The following NRG3 variants were observed in gnomAD, a reference collection of about 807,000 sequenced individuals.
The protein encoded by NRG3 is pro-neuregulin-3, membrane-bound isoform.
A neutral mutation model predicts 66.9 loss-of-function variants in NRG3; 31 were observed. The observed-to-expected ratio is 0.46, with a 90% CI of 0.35 to 0.63. The LOEUF is 0.63. Among genes scored for constraint, NRG3 ranks in the 20% least tolerant of loss-of-function variants. NRG3 has a pLI of 0.00. For synonymous variants in NRG3, 393 were observed against 359.4 expected, an observed-to-expected ratio of 1.09 and a Z score of -1.06; for missense variants, 910 against 878.9, an observed-to-expected ratio of 1.04 and a Z score of -0.45.
rs149943029 is a variant in NRG3 at position 82,507,303 on chromosome 10, G to T, written c.953+148435G>T. ...AGGGAGTTGGTACAATGTGGGCATG[G>T]GTTGATTTCTAGCAGTACAATAAAG... On this transcript the variant is annotated intron_variant, in intron 2 of 8. Transcript: ENST00000372141. Among the ~76,000 whole-genome samples the T allele has an allele frequency of 1.6e-3, 246 of 152,246 alleles. 1 individual carries two copies. The highest frequency in any genetic ancestry group is 5.7e-3 in the African/African-American group (237 of 41,542).
At chr10:82,216,292 G>A (rs1410454443) in intron 1 of NRG3, among the ~76,000 whole-genome samples, 1 of 151,068 alleles carries the variant, frequency 6.6e-6, no homozygotes. Context: ...TTTTTTTTAT[G>A]TTTTCTACAC....
intron 2 of NRG3, among the ~76,000 whole-genome samples, chr10:82,735,174 C>T (rs1259899771): frequency 6.6e-6 from 1 of 152,108 alleles, no homozygotes; most frequent in African/African-American, 2.4e-5. Flanking sequence ...TGTCTCGGCT[C>T]TTGTGAACTG....
At chr10:82,557,433 C>CT (rs1052710590) in intron 2 of NRG3, among the ~76,000 whole-genome samples, 3 of 151,836 alleles carry the variant, frequency 2.0e-5, no homozygotes, top group Admixed American at 6.6e-5. Context: ...GCATGTATGT[C>CT]TTTTTTTGAG....
chr10:82,582,247 A>T (rs1232078895), intron 2 of NRG3, among the ~76,000 whole-genome samples: 1 of 152,142 alleles, frequency 6.6e-6, no homozygotes, highest in Admixed American at 6.6e-5. Context: ...GAGCTTCATT[A>T]TTCAAATTCC....
intron 1 of NRG3, among the ~76,000 whole-genome samples, chr10:82,352,436 T>C (rs1174268145): frequency 1.3e-5 from 2 of 152,114 alleles, no homozygotes; most frequent in Non-Finnish European, 2.9e-5. Flanking sequence ...GTAGCAGTCA[T>C]AGCTATGATT....
chr10:82,190,657 G>T (rs1333942537), intron 1 of NRG3, among the ~76,000 whole-genome samples: 1 of 152,130 alleles, frequency 6.6e-6, no homozygotes, highest in Non-Finnish European at 1.5e-5. Flanking sequence ...AAACAAATTG[G>T]TTTACTCCTC....
chr10:82,962,444 T>C (rs558233587), intron 6 of NRG3, among the ~76,000 whole-genome samples: 7 of 152,324 alleles, frequency 4.6e-5, no homozygotes, highest in African/African-American at 1.7e-4. Context: ...ATACCTTTTT[T>C]TTCAGTAATC....
chr10:82,499,812 G>A lies in NRG3; in HGVS notation c.953+140944G>A, dbSNP rs1355884456. Among the ~76,000 whole-genome samples, 5 of 152,282 alleles carry A rather than the reference G, an allele frequency of 3.3e-5. No homozygotes were observed. In the East Asian group the frequency reaches 5.8e-4, roughly 18 times the overall value. Reference sequence around the variant, plus strand: ...TACAGGGCAAACTAGAGACTTTGAGGTGTGAAAAACCTTCAGGTAAATTCT... The same window carrying A: ...TACAGGGCAAACTAGAGACTTTGAGATGTGAAAAACCTTCAGGTAAATTCT... On this transcript the variant is annotated intron_variant, in intron 2 of 8. Coordinates refer to ENST00000372141, the MANE Select transcript of NRG3 (RefSeq NM_001010848.4).
At chr10:82,750,397 T>C (rs764825408) in intron 3 of NRG3, among the ~76,000 whole-genome samples, 14 of 152,194 alleles carry the variant, frequency 9.2e-5, no homozygotes, top group Non-Finnish European at 7.4e-5. Context: ...ACATGAATTA[T>C]AAATAATATC....
intron 1 of NRG3, among the ~76,000 whole-genome samples, chr10:82,104,766 T>C (rs2066959293): frequency 6.6e-6 from 1 of 152,240 alleles, no homozygotes; most frequent in Non-Finnish European, 1.5e-5. Flanking sequence ...AATATACCTG[T>C]CTGTATTTAA....
At chr10:82,963,030 G>A (rs1407958360) in intron 6 of NRG3, among the ~76,000 whole-genome samples, 1 of 152,242 alleles carries the variant, frequency 6.6e-6, no homozygotes, top group Non-Finnish European at 1.5e-5. Flanking sequence ...ATCTCAGGAT[G>A]TTCAAAGGTT....
At chr10:82,201,318 G>A (rs931226900) in intron 1 of NRG3, among the ~76,000 whole-genome samples, 4 of 151,886 alleles carry the variant, frequency 2.6e-5, no homozygotes, top group Non-Finnish European at 5.9e-5. Context: ...ACAGGATTTT[G>A]ATAGCACTTT....
chr10:82,211,885 A>G (rs983404770), intron 1 of NRG3, among the ~76,000 whole-genome samples: 1 of 152,158 alleles, frequency 6.6e-6, no homozygotes, highest in African/African-American at 2.4e-5. Flanking sequence ...CTAGAAATGC[A>G]GTGTACTGTG....
At chr10:82,823,353 G>A (rs1280519177) in intron 3 of NRG3, among the ~76,000 whole-genome samples, 1 of 152,124 alleles carries the variant, frequency 6.6e-6, no homozygotes, top group Non-Finnish European at 1.5e-5. Flanking sequence ...AACAAAGCAG[G>A]GATAGGCTTT....
At chr10:82,239,723 T>G (rs1463518211) in intron 1 of NRG3, among the ~76,000 whole-genome samples, 1 of 152,128 alleles carries the variant, frequency 6.6e-6, no homozygotes, top group Non-Finnish European at 1.5e-5. Flanking sequence ...TAAAGATATT[T>G]TCTCATGGTT....
chr10:82,813,938 G>A (rs1164734651), intron 3 of NRG3, among the ~76,000 whole-genome samples: 4 of 152,244 alleles, frequency 2.6e-5, no homozygotes, highest in South Asian at 2.1e-4. Flanking sequence ...CAGCTGGCCT[G>A]GCGCGTGACT....
At chr10:82,829,371 G>C (rs1353900605) in intron 3 of NRG3, among the ~76,000 whole-genome samples, 1 of 152,108 alleles carries the variant, frequency 6.6e-6, no homozygotes, top group Non-Finnish European at 1.5e-5. Context: ...ATGAGGTCTG[G>C]AATAGTCAGA....
At chr10:82,830,791 C>T (rs2062479420) in intron 3 of NRG3, among the ~76,000 whole-genome samples, 2 of 152,228 alleles carry the variant, frequency 1.3e-5, no homozygotes, top group Admixed American at 6.5e-5. Flanking sequence ...TCTAGGGAAA[C>T]TGTTATGCTA....
intron 2 of NRG3, among the ~76,000 whole-genome samples, chr10:82,689,146 G>A (rs1274444043): frequency 1.3e-5 from 2 of 152,104 alleles, no homozygotes; most frequent in African/African-American, 2.4e-5. Flanking sequence ...ATGGTCAAAT[G>A]TTGGCAGTTT....
Sources: gnomAD v4.1 joint callset for allele counts (sites outside exome capture counted in the v4.1 genomes callset) on GRCh38, gnomAD v4.1.1 for gene constraint, MANE v1.5 for transcripts, NCBI Gene and HGNC (gene_info 2026-07-23, HGNC 2026-07-21) for gene names.